Variants in TNRC6C observed in about 807,000 individuals in gnomAD.
TNRC6C encodes the protein trinucleotide repeat-containing gene 6C protein.
In TNRC6C, 20 loss-of-function variants were observed where a neutral mutation model predicts 153.7. That is an observed-to-expected ratio of 0.13 (90% CI 0.09 to 0.19). TNRC6C has a LOEUF of 0.19. TNRC6C is among the 10% of genes least tolerant of loss of function. The pLI, the probability that TNRC6C is intolerant of heterozygous loss-of-function variation, is 1.00. For synonymous variants in TNRC6C, 811 were observed against 841.4 expected, an observed-to-expected ratio of 0.96 and a Z score of 0.63; for missense variants, 1,987 against 2,172.0, an observed-to-expected ratio of 0.91 and a Z score of 1.69.
At chr17:78,054,195 G>A (rs72894065) in intron 3 of TNRC6C, among the ~76,000 whole-genome samples, 15,670 of 152,210 alleles carry the variant, frequency 0.1, 881 homozygotes, top group East Asian at 0.18. Context: ...TGGTGCACCT[G>A]TATAGGGCAC....
intron 1 of TNRC6C, among the ~76,000 whole-genome samples, chr17:77,967,403 G>GC (rs1336569433): frequency 7.2e-6 from 1 of 139,684 alleles, no homozygotes; most frequent in Non-Finnish European, 1.5e-5. Flanking sequence ...AAGTCATGCG[G>GC]GGGGGGAGAG....
intron 1 of TNRC6C, among the ~76,000 whole-genome samples, chr17:78,009,027 A>T (rs1567912508): frequency 6.6e-6 from 1 of 152,198 alleles, no homozygotes; most frequent in Non-Finnish European, 1.5e-5. Context: ...ATTCTGCTGA[A>T]TATCGTCTTT....
intron 1 of TNRC6C, chr17:78,008,998 A>G (rs1482337692): frequency 6.6e-6 from 1 of 152,228 alleles, no homozygotes; most frequent in Non-Finnish European, 1.5e-5. Flanking sequence ...GAGCCTATTC[A>G]TAAACTAGCC....
intron 1 of TNRC6C, among the ~76,000 whole-genome samples, chr17:78,020,276 G>T (rs1748915393): frequency 6.6e-6 from 1 of 152,180 alleles, no homozygotes; most frequent in South Asian, 2.1e-4. Context: ...ACAAGTACGT[G>T]GGTAAACTGA....
At chr17:78,029,726 TTTTC>T (rs780782866) in intron 1 of TNRC6C, among the ~76,000 whole-genome samples, 1 of 152,150 alleles carries the variant, frequency 6.6e-6, no homozygotes, top group African/African-American at 2.4e-5. Context: ...CAAAAAATAT[TTTTC>T]TTTCTTTATA....
At chr17:78,060,451 C>T (rs966627059) in intron 3 of TNRC6C, among the ~76,000 whole-genome samples, 11 of 150,588 alleles carry the variant, frequency 7.3e-5, no homozygotes, top group Admixed American at 7.3e-4. Flanking sequence ...TGATCGATTG[C>T]ATTTTTAATC....
intron 2 of TNRC6C, among the ~76,000 whole-genome samples, chr17:78,035,953 C>G (rs555767330): frequency 1.3e-5 from 2 of 152,120 alleles, no homozygotes; most frequent in East Asian, 3.9e-4. Context: ...GGAAGTGACT[C>G]CTACGGTCAC....
At chr17:77,961,383 T>G in intron 1 of TNRC6C, among the ~76,000 whole-genome samples, 1 of 152,206 alleles carries the variant, frequency 6.6e-6, no homozygotes, top group East Asian at 1.9e-4. Flanking sequence ...CTCGAACTCC[T>G]GACTTCAGGT....
At chr17:78,069,232 C>G (rs959575911) in intron 5 of TNRC6C, among the ~76,000 whole-genome samples, 3 of 151,830 alleles carry the variant, frequency 2.0e-5, no homozygotes, top group African/African-American at 7.3e-5. Context: ...AGCCAGAAAC[C>G]CAGTAGAAAA....
chr17:78,064,932 A>T, exon 4 of TNRC6C: 1 of 1,607,868 alleles, frequency 6.2e-7, no homozygotes, highest in Non-Finnish European at 8.5e-7. Context: ...GCCCTGTGCA[A>T]ACCAGGTAAG....
chr17:78,081,737 G>A (rs1005768214), intron 10 of TNRC6C, among the ~76,000 whole-genome samples: 5 of 152,156 alleles, frequency 3.3e-5, no homozygotes, highest in South Asian at 2.1e-4. Flanking sequence ...GGCCACAGCT[G>A]CACCCAGTCT....
chr17:78,049,137 C>G lies in TNRC6C; in HGVS notation c.75C>G (p.Gly25=). ...CAAATGGCAATAATGGCACCAATGG[C>G]GCACTCGTCCAAAGCCCTTCTAATC... is the stretch of plus-strand genomic sequence containing the variant. The change falls in exon 3 of 20, where the codon GGC becomes GGG. Residue 25 remains glycine (G), a synonymous_variant. Coordinates refer to ENST00000301624, the Ensembl canonical transcript of TNRC6C. The surrounding 1 kb of genome is among the most constrained non-coding windows in gnomAD (Gnocchi z 4.1). 6.2e-7 allele frequency: 1 copy of G among 1,602,266 alleles called. No individual in the cohort carries two copies. The highest frequency in any genetic ancestry group is 8.5e-7 in the Non-Finnish European group (1 of 1,174,094).
At chr17:77,981,048 T>G (rs2144104962) in intron 1 of TNRC6C, among the ~76,000 whole-genome samples, 1 of 152,244 alleles carries the variant, frequency 6.6e-6, no homozygotes, top group African/African-American at 2.4e-5. Context: ...CAGTTACGGC[T>G]CACTGCAGCC....
chr17:78,072,901 C>A, intron 6 of TNRC6C, 136 bp from the exon 9 acceptor site: 1 of 602,898 alleles, frequency 1.7e-6, no homozygotes, highest in Non-Finnish European at 2.9e-6. Context: ...TTGTCTCTAA[C>A]CTCAACAGTG....
rs1246829173 is a variant in TNRC6C at position 77,960,988 on chromosome 17, GACC to G, written c.-38+1722_-38+1724del. On this transcript the variant is annotated intron_variant, in intron 1 of 22. Coordinates refer to the TNRC6C transcript ENST00000636222. ...TTTTCATACAGATTTCTCATGACCT[GACC>G]ATAGGCATAGTCAGGCCGTGAGAAA... Among the ~76,000 whole-genome samples, 6 of 152,088 alleles carry G rather than the reference GACC, an allele frequency of 3.9e-5. No individual in the cohort carries two copies. In the East Asian group the frequency reaches 1.2e-3, roughly 29 times the overall value.
intron 9 of TNRC6C, among the ~76,000 whole-genome samples, chr17:78,078,143 G>A (rs531754761): frequency 2.6e-5 from 4 of 152,302 alleles, no homozygotes; most frequent in Middle Eastern, 3.4e-3. Context: ...ACCAGCGCCC[G>A]ACTGTGTGAT....
rs12602033 is a variant in TNRC6C, at chr17:78,081,417, T to C, written c.3358-1630T>C. ...CCAGGTTTGTGCACTGAGTTGATAGTGCACAATTATCAATATAACTAATAC... is the reference window on the plus strand; with the variant it reads ...CCAGGTTTGTGCACTGAGTTGATAGCGCACAATTATCAATATAACTAATAC... On this transcript the variant is annotated intron_variant, in intron 10 of 19. Transcript: ENST00000301624. Among the ~76,000 whole-genome samples the C allele has an allele frequency of 1.1e-3, 164 of 152,212 alleles. 4 individuals are homozygous for C. In the East Asian group the frequency reaches 0.027, roughly 25 times the overall value.
chr17:78,031,615 G>C, exon 2 of TNRC6C: 2 of 1,232,452 alleles, frequency 1.6e-6, no homozygotes, highest in Non-Finnish European at 2.0e-6. Context: ...AATGGCAAAC[G>C]TGCATCTGCC....
intron 2 of TNRC6C, among the ~76,000 whole-genome samples, chr17:78,042,450 C>T (rs186423689): frequency 2.6e-5 from 4 of 151,988 alleles, no homozygotes; most frequent in African/African-American, 4.8e-5. Context: ...GCTAAGCCGA[C>T]GTGTATGGAA....
Sources: allele counts gnomAD v4.1 joint callset (sites outside exome capture counted in the v4.1 genomes callset), GRCh38; gene constraint gnomAD v4.1.1; non-coding constraint Gnocchi (gnomAD v3.1); transcripts MANE v1.5; gene names NCBI Gene and HGNC (gene_info 2026-07-23, HGNC 2026-07-21).